MYCBP2: variants seen among roughly 807,000 people sequenced by gnomAD.
MYCBP2 encodes MYC binding protein 2.
A neutral mutation model predicts 525.3 loss-of-function variants in MYCBP2; 120 were observed. That is an observed-to-expected ratio of 0.23 (90% confidence interval 0.20 to 0.27). The LOEUF is 0.27. Among genes scored for constraint, MYCBP2 ranks in the 10% least tolerant of loss-of-function variants. The probability of loss-of-function intolerance (pLI) is 1.00; values close to 1 mark genes in which losing one functional copy is unlikely to be tolerated. For missense variants in MYCBP2, 4,149 were observed against 5,657.1 expected, an observed-to-expected ratio of 0.73 and a Z score of 8.55; for synonymous variants, 1,894 against 1,955.8, an observed-to-expected ratio of 0.97 and a Z score of 0.83.
rs538116262 is a variant in MYCBP2 at position 77,326,017 on chromosome 13, G to T, written c.302+457C>A. Among the ~76,000 whole-genome samples, 22 of 152,216 alleles carry T rather than the reference G, an allele frequency of 1.4e-4. No homozygotes were observed. Among genetic ancestry groups the T allele is most frequent in the Middle Eastern group, 6.8e-3 (2 of 294 alleles). The stretch of plus-strand genomic sequence containing the variant: ...GAAAGGGCTGGAAGGAATGTCATGG[G>T]AGAGGCGGCACGTGCAAATAACATT... On this transcript the variant is annotated intron_variant, in intron 1 of 82. Coordinates refer to ENST00000544440, the MANE Select transcript of MYCBP2 (RefSeq NM_015057.5). This position sits in a 1 kb window ranked among gnomAD's most constrained non-coding sequence, Gnocchi z 4.2.
At chr13:77,107,955 T>C (rs911146370) in intron 55 of MYCBP2, among the ~76,000 whole-genome samples, 1 of 152,126 alleles carries the variant, frequency 6.6e-6, no homozygotes, top group Non-Finnish European at 1.5e-5. Flanking sequence ...GAAACTAAGA[T>C]TTATTTACAT....
At chr13:77,142,703 A>C (rs2054881593) in intron 49 of MYCBP2, among the ~76,000 whole-genome samples, 1 of 152,204 alleles carries the variant, frequency 6.6e-6, no homozygotes, top group Admixed American at 6.5e-5. Context: ...GATTGTGTGA[A>C]TGTCTCAAGT....
intron 55 of MYCBP2, among the ~76,000 whole-genome samples, chr13:77,109,007 T>C (rs925431071): frequency 6.6e-6 from 1 of 152,200 alleles, no homozygotes; most frequent in African/African-American, 2.4e-5. Flanking sequence ...TAAGATACTT[T>C]TAAAGTACTA....
At chr13:77,249,056 G>A (rs2070635069) in intron 15 of MYCBP2, among the ~76,000 whole-genome samples, 1 of 152,188 alleles carries the variant, frequency 6.6e-6, no homozygotes, top group African/African-American at 2.4e-5. Flanking sequence ...GAGGTACCTA[G>A]AGTAGTCAAT....
chr13:77,314,622 T>A (rs1172493178), intron 1 of MYCBP2, among the ~76,000 whole-genome samples: 1 of 152,156 alleles, frequency 6.6e-6, no homozygotes, highest in Non-Finnish European at 1.5e-5. Context: ...GAAACAGGAA[T>A]AGGTGGAGCA....
At position 77,169,576 on chromosome 13, in the gene MYCBP2, A is replaced by T. The variant is rs192059739; in HGVS notation, c.5895+38T>A. The T allele has an allele frequency of 1.4e-4, 216 of 1,543,700 alleles. 1 individual carries two copies. The African/African-American group carries it at 1.9e-3, about 14-fold the overall frequency. The stretch of plus-strand genomic sequence containing the variant: ...AAGTCTTTTTTTAAAAAAGATATTT[A>T]AAAAAAACATTCAAAGTTATAGAAT... On this transcript the variant is annotated intron_variant, in intron 39 of 82. Transcript: ENST00000544440.
intron 63 of MYCBP2, among the ~76,000 whole-genome samples, chr13:77,082,549 G>A (rs2043476392): frequency 6.6e-6 from 1 of 152,146 alleles, no homozygotes; most frequent in Admixed American, 6.6e-5. Flanking sequence ...GGTTCACAGT[G>A]TAAAAGCAAT....
chr13:77,243,732 G>A, intron 16 of MYCBP2, 74 bp downstream of exon 16: 2 of 1,308,844 alleles, frequency 1.5e-6, no homozygotes, highest in East Asian at 2.6e-5. Flanking sequence ...ATATCTAAAA[G>A]AAATTGTTTA....
chr13:77,251,808 G>A (rs1408624504), intron 14 of MYCBP2, among the ~76,000 whole-genome samples: 1 of 152,134 alleles, frequency 6.6e-6, no homozygotes, highest in East Asian at 1.9e-4. Context: ...GTCTTCAGAA[G>A]AACAAAACTC....
chr13:77,266,473 C>G (rs1461798870), intron 8 of MYCBP2, among the ~76,000 whole-genome samples: 1 of 151,936 alleles, frequency 6.6e-6, no homozygotes. Flanking sequence ...CATATGATCA[C>G]ACTTTTTTAC....
intron 3 of MYCBP2, among the ~76,000 whole-genome samples, chr13:77,283,713 C>A (rs1449981121): frequency 6.6e-6 from 1 of 151,982 alleles, no homozygotes; most frequent in Non-Finnish European, 1.5e-5. Context: ...CCTGGGCAAT[C>A]TGGCAAAACC....
intron 27 of MYCBP2, 66 bp from the exon 28 acceptor site, chr13:77,191,879 T>C (rs2061332154): frequency 1.3e-6 from 2 of 1,498,214 alleles, no homozygotes; most frequent in Non-Finnish European, 1.8e-6. Flanking sequence ...ATTTATTTTT[T>C]CAAAATCCCT....
intron 11 of MYCBP2, 33 bp from the exon 12 acceptor site, chr13:77,261,408 A>C (rs769842364): frequency 6.7e-7 from 1 of 1,496,470 alleles, no homozygotes; most frequent in Admixed American, 1.9e-5. Context: ...GAATTATGGT[A>C]CTTTTTGGAA....
chr13:77,113,915 A>G (rs1223416281), intron 55 of MYCBP2, among the ~76,000 whole-genome samples: 3 of 152,200 alleles, frequency 2.0e-5, no homozygotes, highest in Non-Finnish European at 2.9e-5. Context: ...AAACTTTGAT[A>G]TGTGAACCAA....
intron 72 of MYCBP2, among the ~76,000 whole-genome samples, chr13:77,065,713 T>A (rs1023325902): frequency 1.3e-5 from 2 of 152,226 alleles, no homozygotes; most frequent in Non-Finnish European, 1.5e-5. Flanking sequence ...AATCAAGTTC[T>A]TTCTTAGGGT....
Position 77,212,051 on chromosome 13 carries a change from G to A in MYCBP2, c.3167C>T (p.Ala1056Val), listed in dbSNP as rs1396728500. 1 of 1,614,066 alleles carries A rather than the reference G, an allele frequency of 6.2e-7. No homozygotes were observed. Among genetic ancestry groups the A allele is most frequent in the Non-Finnish European group, 8.5e-7 (1 of 1,179,970 alleles). ...TCGTAAAAAAGTTTGGTCCCCACTT[G>A]CACCTATCCAAGTAGCTTTTCTTCC... ...KYGRKATWIG[A>V]SGDQTFLRID... The change falls in exon 22 of 83, where the codon GCA becomes GTA. Residue 1056 changes from alanine to valine, a missense_variant. Ala to Val is a moderately conservative substitution (Grantham distance 64). This residue lies in a region of MYCBP2 where 620 missense variants were observed against 795.5 expected (regional missense o/e 0.78). Coordinates refer to ENST00000544440, the MANE Select transcript of MYCBP2 (RefSeq NM_015057.5).
chr13:77,323,108 A>T lies in MYCBP2; in HGVS notation c.302+3366T>A, dbSNP rs137965695. 1.0e-3 allele frequency among the ~76,000 whole-genome samples: 157 copies of T among 152,384 alleles called. 1 individual carries two copies. Among genetic ancestry groups the T allele is most frequent in the Middle Eastern group, 3.4e-3 (1 of 294 alleles). On this transcript the variant is annotated intron_variant, in intron 1 of 82. Coordinates refer to ENST00000544440, the MANE Select transcript of MYCBP2 (RefSeq NM_015057.5). ...GCACATACATTGATTCATTTAATCT[A>T]CAAAACAATTCATGTTAGTATTATG...
At chr13:77,069,815 C>T (rs1414844207) in intron 69 of MYCBP2, among the ~76,000 whole-genome samples, 1 of 151,672 alleles carries the variant, frequency 6.6e-6, no homozygotes, top group Admixed American at 6.6e-5. Flanking sequence ...TTGCAGTGGG[C>T]CGAGATCGCA....
rs1002760927 is a variant in MYCBP2, at chr13:77,216,903, T to G, written c.3057+937A>C. Among the ~76,000 whole-genome samples the G allele has an allele frequency of 3.9e-5, 6 of 152,234 alleles. 1 individual carries two copies. The highest frequency in any genetic ancestry group is 2.6e-4 in the Admixed American group (4 of 15,292). On this transcript the variant is annotated intron_variant, in intron 21 of 82. Coordinates refer to ENST00000544440, the MANE Select transcript of MYCBP2 (RefSeq NM_015057.5). ...GGGCCATAATGTACACAAGACATTG[T>G]CAAAGGATTTGAGAAAAAAAAATAT... is the stretch of plus-strand genomic sequence containing the variant.
Sources: gnomAD v4.1 joint callset for allele counts (sites outside exome capture counted in the v4.1 genomes callset) on GRCh38, gnomAD v4.1.1 for gene constraint, gnomAD v4.1.1 regional missense constraint, Gnocchi (gnomAD v3.1) non-coding constraint, MANE v1.5 for transcripts, NCBI Gene and HGNC (gene_info 2026-07-23, HGNC 2026-07-21) for gene names.